Variants in KCTD1 observed in about 807,000 individuals in gnomAD.
The protein encoded by KCTD1 is potassium channel tetramerization domain containing 1.
Under a neutral mutation model 66.0 loss-of-function variants are expected in KCTD1, and 24 were observed. The observed-to-expected ratio is 0.36, with a 90% CI of 0.26 to 0.51. KCTD1 has a LOEUF of 0.51. KCTD1 is among the 20% of genes least tolerant of loss of function. KCTD1 has a pLI of 0.95. For missense variants in KCTD1, 943 were observed against 1,205.2 expected (o/e 0.78, Z 3.22); for synonymous variants, 511 against 517.2 (o/e 0.99, Z 0.16).
chr18:26,505,623 CAT>C (rs1280629357), intron 1 of KCTD1, among the ~76,000 whole-genome samples: 1 of 152,050 alleles, frequency 6.6e-6, no homozygotes, highest in African/African-American at 2.4e-5. Context: ...GTGGCGCAAT[CAT>C]AGCTCACTAC....
At chr18:26,522,937 A>G (rs11874078) in intron 1 of KCTD1, among the ~76,000 whole-genome samples, 61,335 of 151,988 alleles carry the variant, frequency 0.4, 12,756 homozygotes, top group East Asian at 0.61. Context: ...CATCTCCCAC[A>G]GTGCCTTGTA....
rs1483097078 is a variant in KCTD1 at position 26,547,364 on chromosome 18, G to A, written c.1173C>T (p.Phe391=). Residue 391 remains phenylalanine, a synonymous_variant, in exon 1 of 5, where the codon TTC becomes TTT. Transcript: ENST00000580059. ...GGTTGCGTTTCGACAGGTACTTGAC[G>A]AAGCTGGCGTAGGGGCAGAACTCGG... The part of the protein sequence containing the change: ...TGTEFCPYAS[F]VKYLSKRNPL... The A allele has an allele frequency of 2.6e-6, 4 of 1,551,340 alleles. No homozygotes were observed. Among genetic ancestry groups the A allele is most frequent in the African/African-American group, 2.7e-5 (2 of 73,044 alleles).
At chr18:26,505,125 C>G (rs902782004) in intron 1 of KCTD1, among the ~76,000 whole-genome samples, 3 of 152,266 alleles carry the variant, frequency 2.0e-5, no homozygotes, top group African/African-American at 4.8e-5. Context: ...GATAAGGAAT[C>G]CTTCCTGTTA....
chr18:26,520,530 G>C (rs934885055), intron 1 of KCTD1, among the ~76,000 whole-genome samples: 1 of 152,190 alleles, frequency 6.6e-6, no homozygotes, highest in Admixed American at 6.5e-5. Context: ...GATTTAGTTT[G>C]AGGTGGATGT....
intron 1 of KCTD1, among the ~76,000 whole-genome samples, chr18:26,620,603 T>C (rs892720829): frequency 2.0e-5 from 3 of 151,422 alleles, no homozygotes; most frequent in Non-Finnish European, 4.4e-5. Flanking sequence ...GCCTGCCTAA[T>C]TTTTGTATTT....
chr18:26,469,265 T>C (rs1288068855), intron 3 of KCTD1, among the ~76,000 whole-genome samples: 1 of 152,088 alleles, frequency 6.6e-6, no homozygotes, highest in African/African-American at 2.4e-5. Flanking sequence ...AGCAGGTCTT[T>C]AAGAGCTCTG....
intron 2 of KCTD1, among the ~76,000 whole-genome samples, chr18:26,496,740 G>GCACACACACACACA (rs111233653): frequency 1.8e-4 from 26 of 148,184 alleles, no homozygotes; most frequent in African/African-American, 6.2e-4. Flanking sequence ...AAAAGCATGT[G>GCACACACACACACA]CACACACACA....
chr18:26,655,729 T>A (rs1464936923), intron 1 of KCTD1: 2 of 152,050 alleles, frequency 1.3e-5, no homozygotes, highest in Non-Finnish European at 2.9e-5. Context: ...TACCAGAAAA[T>A]CATTTCCACG....
chr18:26,637,583 C>A (rs762710350), intron 1 of KCTD1, among the ~76,000 whole-genome samples: 1 of 152,224 alleles, frequency 6.6e-6, no homozygotes, highest in Non-Finnish European at 1.5e-5. Flanking sequence ...AGAAGCCTGG[C>A]GTCCTTTCAG....
chr18:26,507,575 T>C (rs1393100873), intron 1 of KCTD1, among the ~76,000 whole-genome samples: 1 of 152,214 alleles, frequency 6.6e-6, no homozygotes, highest in East Asian at 1.9e-4. Flanking sequence ...GGGGACTTGC[T>C]ATGTTTATCC....
chr18:26,460,595 C>A (rs1190552390), intron 3 of KCTD1, among the ~76,000 whole-genome samples: 1 of 152,140 alleles, frequency 6.6e-6, no homozygotes, highest in Non-Finnish European at 1.5e-5. Context: ...CTGCCCTGTG[C>A]CACCTGATGG....
chr18:26,512,874 G>A (rs1384849678), intron 1 of KCTD1, among the ~76,000 whole-genome samples: 1 of 151,964 alleles, frequency 6.6e-6, no homozygotes, highest in Non-Finnish European at 1.5e-5. Context: ...CCAGCTACTC[G>A]GGAGGCTGAG....
intron 1 of KCTD1, among the ~76,000 whole-genome samples, chr18:26,583,976 C>T (rs1986416345): frequency 6.6e-6 from 1 of 152,154 alleles, no homozygotes; most frequent in African/African-American, 2.4e-5. Flanking sequence ...GTTTTGCATC[C>T]TCAAGTTAAC....
chr18:26,644,363 G>A (rs1413415331), upstream of KCTD1, among the ~76,000 whole-genome samples: 2 of 152,178 alleles, frequency 1.3e-5, no homozygotes. Flanking sequence ...TGATGAAAGA[G>A]TTAAGGGTGG....
chr18:26,507,457 G>C (rs1260668645), intron 1 of KCTD1, among the ~76,000 whole-genome samples: 1 of 152,096 alleles, frequency 6.6e-6, no homozygotes, highest in Non-Finnish European at 1.5e-5. Flanking sequence ...GAAGCCTTGA[G>C]CTCCTGGGGT....
At chr18:26,600,025 G>A in intron 1 of KCTD1, 7 of 1,611,520 alleles carry the variant, frequency 4.3e-6, no homozygotes, top group Non-Finnish European at 5.9e-6. Context: ...TATGGAGGAC[G>A]ACAGCATGGA....
intron 1 of KCTD1, among the ~76,000 whole-genome samples, chr18:26,577,543 A>AT (rs68042886): frequency 0.015 from 2,268 of 147,432 alleles, 32 homozygotes; most frequent in African/African-American, 0.04. Context: ...GCATTTCTTA[A>AT]TTTTTTTTTT....
intron 1 of KCTD1, among the ~76,000 whole-genome samples, chr18:26,501,922 T>C (rs139529658): frequency 4.6e-5 from 7 of 152,344 alleles, no homozygotes; most frequent in African/African-American, 1.4e-4. Context: ...CTTGAAGAAA[T>C]CAAGTTCCCA....
intron 1 of KCTD1, among the ~76,000 whole-genome samples, chr18:26,611,962 C>A (rs1181712435): frequency 6.6e-6 from 1 of 152,190 alleles, no homozygotes; most frequent in East Asian, 1.9e-4. Context: ...CCCACCACTA[C>A]TGAAGCAAGA....
Sources: gnomAD v4.1 joint callset for allele counts (sites outside exome capture counted in the v4.1 genomes callset) on GRCh38, gnomAD v4.1.1 for gene constraint, MANE v1.5 for transcripts, NCBI Gene and HGNC (gene_info 2026-07-23, HGNC 2026-07-21) for gene names.